PLS3: variants seen among roughly 807,000 people sequenced by gnomAD.
PLS3 encodes plastin-3.
A neutral mutation model predicts 46.5 loss-of-function variants in PLS3; 11 were observed. That is an observed-to-expected ratio of 0.24 (90% CI 0.15 to 0.39). The LOEUF (loss-of-function observed/expected upper bound fraction) is 0.39. PLS3 is among the 10% of genes least tolerant of loss of function. The pLI, the probability that PLS3 is intolerant of heterozygous loss-of-function variation, is 1.00. For synonymous variants in PLS3, 167 were observed against 162.2 expected (o/e 1.03, Z -0.22); for missense variants, 308 against 461.8 (o/e 0.67, Z 3.05).
intron 3 of PLS3, among the ~76,000 whole-genome samples, chrX:115,622,623 G>C (rs2074668098): frequency 9.0e-6 from 1 of 111,525 alleles, no homozygotes; most frequent in Admixed American, 9.6e-5. Context: ...CAGAAACAAA[G>C]ATATAACATG....
At chrX:115,600,806 G>C (rs971492327) in intron 1 of PLS3, among the ~76,000 whole-genome samples, 1 of 111,444 alleles carries the variant, frequency 9.0e-6, no homozygotes, top group African/African-American at 3.3e-5. Flanking sequence ...TCAGTGGGAG[G>C]TGGAGTCATT....
chrX:115,588,210 A>G lies in PLS3; in HGVS notation c.-8-22033A>G, dbSNP rs1404365022. On this transcript the variant is annotated intron_variant, in intron 1 of 15. Coordinates refer to ENST00000355899, the MANE Select transcript of PLS3 (RefSeq NM_005032.7). The stretch of plus-strand genomic sequence containing the variant: ...GACTCTACATTGCAACCAACCTTTG[A>G]AAAACTACCACTTCTCTCGAGTTTT... Among the ~76,000 whole-genome samples the G allele has an allele frequency of 2.0e-4, 23 of 112,465 alleles. No individual in the cohort carries two copies. The Admixed American group carries it at 2.2e-3, about 11-fold the overall frequency.
chrX:115,597,215 G>GT (rs1280332108), intron 1 of PLS3, among the ~76,000 whole-genome samples: 1 of 111,460 alleles, frequency 9.0e-6, no homozygotes, highest in African/African-American at 3.3e-5. Flanking sequence ...TTGGTTGTGG[G>GT]TATTACAGTG....
intron 1 of PLS3, among the ~76,000 whole-genome samples, chrX:115,608,167 A>G (rs188773990): frequency 8.9e-4 from 99 of 111,804 alleles, no homozygotes; most frequent in African/African-American, 2.9e-3. Flanking sequence ...CAATTCTGTG[A>G]AAAAGATAGA....
chrX:115,636,836 C>A lies in PLS3; in HGVS notation c.749C>A (p.Ala250Asp). The part of the protein sequence containing the change: ...FADIELSRNE[A>D]LAALLRDGET... ...TGGGATTTTTTTTTTTTTCTTCTAG[C>A]CTTGGCTGCTTTACTCCGAGATGGT... The change falls in exon 8 of 16, where the codon GCC (alanine) becomes GAC (aspartate). Residue 250 changes from alanine (A) to aspartate (D), a missense_variant and splice_region_variant. Physicochemically the swap from Ala to Asp is moderately radical, Grantham distance 126 (BLOSUM62 -2). Coordinates refer to ENST00000355899, the MANE Select transcript of PLS3 (RefSeq NM_005032.7). 1 of 1,181,963 alleles carries A rather than the reference C, an allele frequency of 8.5e-7. No individual in the cohort carries two copies. The highest frequency in any genetic ancestry group is 1.1e-6 in the Non-Finnish European group (1 of 881,814).
chrX:115,620,706 C>CTTTTTTTTTTTTTTTTTTTTT (rs1176959674), intron 2 of PLS3, among the ~76,000 whole-genome samples: 3 of 54,732 alleles, frequency 5.5e-5, no homozygotes, highest in African/African-American at 1.6e-4. Flanking sequence ...TTTTTCTTTT[C>CTTTTTTTTTTTTTTTTTTTTT]TTTTTTTTTT....
chrX:115,648,855 C>G (rs782817727), intron 15 of PLS3, among the ~76,000 whole-genome samples: 38 of 111,843 alleles, frequency 3.4e-4, no homozygotes, highest in Non-Finnish European at 3.9e-4. Flanking sequence ...AAATACTTCA[C>G]GGATTAGTTG....
At chrX:115,636,782 A>T in intron 7 of PLS3, 54 bp from the exon 8 acceptor site, 3 of 1,089,993 alleles carry the variant, frequency 2.8e-6, no homozygotes, top group Admixed American at 5.3e-5. Flanking sequence ...TGAACTTGGC[A>T]TGACCATTAT....
At chrX:115,586,918 T>G (rs1275702419) in intron 1 of PLS3, among the ~76,000 whole-genome samples, 3 of 112,231 alleles carry the variant, frequency 2.7e-5, no homozygotes, top group Non-Finnish European at 5.6e-5. Context: ...ATTTTCAGTT[T>G]GAAAATTCTT....
chrX:115,642,277 CCTAA>C (rs1250369656), intron 9 of PLS3, among the ~76,000 whole-genome samples: 4 of 110,754 alleles, frequency 3.6e-5, no homozygotes, highest in African/African-American at 6.6e-5. Context: ...TTCCTTTCGT[CCTAA>C]CTTTTTTAAT....
In PLS3 at chrX:115,649,479, C is replaced by CT; in HGVS notation, c.1812dup (p.Glu605Ter). The stretch of plus-strand genomic sequence containing the variant: ...ATCGGAGCCAGAGTGTATGCTCTCC[C>CT]TGAAGACCTTGTGGAAGTAAAGCCC... On this transcript the variant is annotated frameshift_variant, in exon 16 of 16. Transcript: ENST00000355899. LOFTEE classifies it high-confidence loss of function. 1 of 1,206,630 alleles carries CT rather than the reference C, an allele frequency of 8.3e-7. No individual in the cohort carries two copies. Among genetic ancestry groups the CT allele is most frequent in the Non-Finnish European group, 1.1e-6 (1 of 891,087 alleles).
Position 115,610,238 on chromosome X carries a change from T to G in PLS3, c.-8-5T>G, listed in dbSNP as rs1556635926. On this transcript the variant is annotated splice_region_variant and splice_polypyrimidine_tract_variant and intron_variant, in intron 1 of 15. Coordinates refer to ENST00000355899, the MANE Select transcript of PLS3 (RefSeq NM_005032.7). ...AAGTCTGAAACGTTTTTGGTTTTTCTTTAGATCTTTAAATGGATGAGATGG... is the reference window on the plus strand; with the variant it reads ...AAGTCTGAAACGTTTTTGGTTTTTCGTTAGATCTTTAAATGGATGAGATGG... 9.1e-7 allele frequency: 1 copy of G among 1,103,677 alleles called. No individual in the cohort carries two copies. The highest frequency in any genetic ancestry group is 3.1e-5 in the East Asian group (1 of 32,180). 91.0% of individuals were successfully genotyped at this position (1,103,677 alleles called of 1,213,427 possible).
At chrX:115,610,588 G>A (rs2074539425) in intron 2 of PLS3, among the ~76,000 whole-genome samples, 1 of 107,317 alleles carries the variant, frequency 9.3e-6, no homozygotes, top group Non-Finnish European at 1.9e-5. Context: ...ATCCTTAACT[G>A]GTGACTGTTA....
At chrX:115,626,922 C>T (rs1283179268) in intron 3 of PLS3, among the ~76,000 whole-genome samples, 1 of 108,497 alleles carries the variant, frequency 9.2e-6, no homozygotes, top group Non-Finnish European at 1.9e-5. Flanking sequence ...CATCTTGGCT[C>T]ACTGCAACCT....
At chrX:115,571,437 G>A (rs1556630706) in intron 1 of PLS3, among the ~76,000 whole-genome samples, 1 of 109,436 alleles carries the variant, frequency 9.1e-6, no homozygotes, top group Non-Finnish European at 1.9e-5. Flanking sequence ...AGAATCCCTC[G>A]AGTCTGGGAG....
intron 15 of PLS3, among the ~76,000 whole-genome samples, chrX:115,648,874 T>C (rs142013623): frequency 7.0e-4 from 78 of 111,849 alleles, no homozygotes; most frequent in African/African-American, 2.2e-3. Context: ...TGAGATGTGT[T>C]CCTGAAAATT....
intron 5 of PLS3, among the ~76,000 whole-genome samples, chrX:115,630,798 AAT>A (rs1490172731): frequency 1.4e-4 from 13 of 91,611 alleles, no homozygotes; most frequent in African/African-American, 5.6e-4. Flanking sequence ...ATATATACAA[AAT>A]ATATATGTAT....
At chrX:115,648,057 T>C in intron 15 of PLS3, 40 bp downstream of exon 15, 1 of 1,026,470 alleles carries the variant, frequency 9.7e-7, no homozygotes, top group South Asian at 1.9e-5. Context: ...AACGCAGCTT[T>C]GTAGCTGGAC....
At chrX:115,628,578 T>C (rs2074734487) in intron 3 of PLS3, among the ~76,000 whole-genome samples, 1 of 111,840 alleles carries the variant, frequency 8.9e-6, no homozygotes, top group South Asian at 3.7e-4. Context: ...AACTTGCTTT[T>C]GTACAATTAG....
Sources: gnomAD v4.1 joint callset for allele counts (sites outside exome capture counted in the v4.1 genomes callset) on GRCh38, gnomAD v4.1.1 for gene constraint, MANE v1.5 for transcripts, NCBI Gene and HGNC (gene_info 2026-07-23, HGNC 2026-07-21) for gene names.